ZMAT4: variants seen among roughly 807,000 people sequenced by gnomAD.
The protein encoded by ZMAT4 is zinc finger matrin-type 4, also known as zinc finger matrin-type protein 4.
ZMAT4 carries 17 observed loss-of-function variants against 28.7 expected under a neutral mutation model. That is an observed-to-expected ratio of 0.59 (90% CI 0.41 to 0.89). ZMAT4 has a LOEUF of 0.89. Among genes scored for constraint, ZMAT4 ranks in the 40% least tolerant of loss-of-function variants. The pLI, the probability that ZMAT4 is intolerant of heterozygous loss-of-function variation, is 0.00. For synonymous variants in ZMAT4, 117 were observed against 109.2 expected (o/e 1.07, Z -0.44); for missense variants, 240 against 283.8 (o/e 0.85, Z 1.11).
chr8:40,656,612 T>G (rs993848226), intron 5 of ZMAT4, among the ~76,000 whole-genome samples: 3 of 152,104 alleles, frequency 2.0e-5, no homozygotes, highest in Non-Finnish European at 2.9e-5. Context: ...AAATGAATGA[T>G]GTACTGATAC....
intron 2 of ZMAT4, among the ~76,000 whole-genome samples, chr8:40,817,371 G>A (rs889307205): frequency 2.6e-5 from 4 of 152,174 alleles, no homozygotes; most frequent in African/African-American, 4.8e-5. Context: ...CATTTCTGAT[G>A]TGGCCAGGAG....
chr8:40,788,891 G>T (rs184097812), intron 2 of ZMAT4, among the ~76,000 whole-genome samples: 40 of 151,154 alleles, frequency 2.6e-4, no homozygotes, highest in African/African-American at 8.8e-4. Context: ...AAGGATATTT[G>T]TCCCAGGAAT....
chr8:40,611,878 G>GA (rs756614908), intron 5 of ZMAT4, among the ~76,000 whole-genome samples: 3 of 152,108 alleles, frequency 2.0e-5, no homozygotes, highest in Non-Finnish European at 2.9e-5. Context: ...TCATTTCACA[G>GA]AAAAAATGTA....
chr8:40,603,057 T>A lies in ZMAT4; in HGVS notation c.578-21796A>T, dbSNP rs575906681. On this transcript the variant is annotated intron_variant, in intron 5 of 6. Coordinates refer to ENST00000297737, the MANE Select transcript of ZMAT4 (RefSeq NM_024645.3). ...TATGGTTTCAGGTCTTAGATTTAAGTCTTTGATCCATCTTGAGTGAAATTT... is the reference window on the plus strand; with the variant it reads ...TATGGTTTCAGGTCTTAGATTTAAGACTTTGATCCATCTTGAGTGAAATTT... Among the ~76,000 whole-genome samples, 64 of 152,348 alleles carry A rather than the reference T, an allele frequency of 4.2e-4. No homozygotes were observed. The South Asian group carries it at 0.013, about 31-fold the overall frequency.
chr8:40,604,735 A>G (rs569329514), intron 5 of ZMAT4, among the ~76,000 whole-genome samples: 21 of 152,224 alleles, frequency 1.4e-4, no homozygotes, highest in African/African-American at 4.8e-4. Flanking sequence ...TACTGGCCTC[A>G]TAGAACGATT....
chr8:40,664,565 G>A (rs1808326150), intron 5 of ZMAT4, among the ~76,000 whole-genome samples: 1 of 152,166 alleles, frequency 6.6e-6, no homozygotes, highest in Admixed American at 6.5e-5. Flanking sequence ...GCTGGCTTTA[G>A]GAGTAGACCC....
intron 2 of ZMAT4, among the ~76,000 whole-genome samples, chr8:40,823,692 T>A (rs547782062): frequency 1.5e-4 from 22 of 151,380 alleles, no homozygotes; most frequent in Non-Finnish European, 2.8e-4. Flanking sequence ...CATATACATA[T>A]ACACACACAC....
chr8:40,700,993 G>A (rs994703860), intron 3 of ZMAT4, among the ~76,000 whole-genome samples: 1 of 152,096 alleles, frequency 6.6e-6, no homozygotes, highest in African/African-American at 2.4e-5. Context: ...GTTCATTTGT[G>A]GGATTAGTAA....
chr8:40,782,049 A>G (rs1813857031), intron 2 of ZMAT4, among the ~76,000 whole-genome samples: 1 of 152,176 alleles, frequency 6.6e-6, no homozygotes, highest in South Asian at 2.1e-4. Context: ...CCAAAAGCAC[A>G]TGTGACAAGA....
chr8:40,699,003 T>C (rs951025111), intron 3 of ZMAT4, among the ~76,000 whole-genome samples: 1 of 151,962 alleles, frequency 6.6e-6, no homozygotes. Flanking sequence ...GTTTTCTCCA[T>C]AGAGAAAAAA....
At chr8:40,658,938 T>G (rs142504938) in intron 5 of ZMAT4, among the ~76,000 whole-genome samples, 2 of 152,314 alleles carry the variant, frequency 1.3e-5, no homozygotes, top group African/African-American at 4.8e-5. Flanking sequence ...TTCAAGTAGA[T>G]GATTTTTATA....
chr8:40,790,339 G>T (rs1033323882), intron 2 of ZMAT4, among the ~76,000 whole-genome samples: 2 of 152,064 alleles, frequency 1.3e-5, no homozygotes, highest in Non-Finnish European at 2.9e-5. Flanking sequence ...CTAATCAATA[G>T]GTTAGCAATG....
chr8:40,538,828 G>C (rs1802931238), intron 6 of ZMAT4, among the ~76,000 whole-genome samples: 2 of 151,636 alleles, frequency 1.3e-5, no homozygotes, highest in South Asian at 4.2e-4. Context: ...TGTCATCCAG[G>C]CTGGAGTGGT....
At chr8:40,687,137 A>G (rs1809445372) in intron 4 of ZMAT4, among the ~76,000 whole-genome samples, 1 of 152,182 alleles carries the variant, frequency 6.6e-6, no homozygotes, top group Non-Finnish European at 1.5e-5. Flanking sequence ...AGGCAGAGAG[A>G]TGATATGAGG....
chr8:40,618,544 G>T (rs750410583), intron 5 of ZMAT4, among the ~76,000 whole-genome samples: 1 of 151,660 alleles, frequency 6.6e-6, no homozygotes, highest in Non-Finnish European at 1.5e-5. Flanking sequence ...TTAGTACAAG[G>T]TTTTTAATCA....
intron 3 of ZMAT4, among the ~76,000 whole-genome samples, chr8:40,701,506 A>ATTTT (rs58912869): frequency 2.0e-4 from 15 of 73,886 alleles, no homozygotes; most frequent in African/African-American, 5.1e-4. Context: ...ACTATGCAGA[A>ATTTT]TTTTTTTTTT....
intron 2 of ZMAT4, among the ~76,000 whole-genome samples, chr8:40,793,254 T>A (rs1814440092): frequency 6.6e-6 from 1 of 152,192 alleles, no homozygotes; most frequent in South Asian, 2.1e-4. Flanking sequence ...CAAAAATAAG[T>A]CTGTGAATTT....
intron 1 of ZMAT4, among the ~76,000 whole-genome samples, chr8:40,842,616 C>T (rs1276931974): frequency 1.3e-5 from 2 of 152,130 alleles, no homozygotes; most frequent in African/African-American, 4.8e-5. Context: ...ACAAGTCATC[C>T]TCACCTGCCA....
At chr8:40,567,620 AC>A (rs925837012) in intron 6 of ZMAT4, among the ~76,000 whole-genome samples, 1 of 143,812 alleles carries the variant, frequency 7.0e-6, no homozygotes, top group African/African-American at 2.6e-5. Flanking sequence ...AATCACTTGA[AC>A]CCCCCTGGGA....
Sources: allele counts gnomAD v4.1 joint callset (sites outside exome capture counted in the v4.1 genomes callset), GRCh38; gene constraint gnomAD v4.1.1; transcripts MANE v1.5; gene names NCBI Gene and HGNC (gene_info 2026-07-23, HGNC 2026-07-21).